CFHR2: variants seen among roughly 807,000 people sequenced by gnomAD.
CFHR2 encodes the protein complement factor H related 2.
A neutral mutation model predicts 21.7 loss-of-function variants in CFHR2; 22 were observed. The ratio of observed to expected loss-of-function variants is 1.01; its 90% CI spans 0.72 to 1.45. The LOEUF is 1.45. Ranked by LOEUF, CFHR2 falls within the 40% of genes most tolerant of loss-of-function variation. The probability of loss-of-function intolerance (pLI) is 0.00; values close to 1 mark genes in which losing one functional copy is unlikely to be tolerated. For synonymous variants in CFHR2, 98 were observed against 97.4 expected (o/e 1.01, Z -0.04); for missense variants, 294 against 293.3 (o/e 1.00, Z -0.02).
rs1652962667 is a variant in CFHR2 at position 196,958,019 on chromosome 1, A to C, written c.559A>C (p.Asn187His). The C allele has an allele frequency of 3.7e-6, 6 of 1,613,782 alleles. No individual in the cohort carries two copies. Among genetic ancestry groups the C allele is most frequent in the Non-Finnish European group, 5.1e-6 (6 of 1,179,752 alleles). The change falls in exon 4 of 5, where the codon AAC (asparagine) becomes CAC (histidine). Residue 187 changes from asparagine (N) to histidine (H), a missense_variant. Asn to His is a moderately conservative substitution (Grantham distance 68). Coordinates refer to ENST00000367415, the MANE Select transcript of CFHR2 (RefSeq NM_005666.4). ...QCQNLYQLEG[N>H]NQITCRNGQW... is the part of the protein sequence containing the mutation. ...CCAGAACTTGTATCAACTTGAGGGT[A>C]ACAATCAAATAACATGTAGAAACGG... is the stretch of plus-strand genomic sequence containing the variant.
intron 1 of CFHR2, among the ~76,000 whole-genome samples, chr1:196,947,174 C>A (rs1249688987): frequency 6.6e-6 from 1 of 151,578 alleles, no homozygotes; most frequent in Non-Finnish European, 1.5e-5. Flanking sequence ...GAAATATATT[C>A]ATAATATTCT....
intron 1 of CFHR2, among the ~76,000 whole-genome samples, chr1:196,945,091 G>A (rs1274358828): frequency 1.4e-5 from 2 of 144,794 alleles, no homozygotes; most frequent in African/African-American, 2.5e-5. Flanking sequence ...GGTCAGGCTG[G>A]TCTCGAACTC....
At chr1:196,948,261 C>A (rs548060351) in intron 1 of CFHR2, among the ~76,000 whole-genome samples, 1 of 151,462 alleles carries the variant, frequency 6.6e-6, no homozygotes, top group African/African-American at 2.4e-5. Flanking sequence ...TCCTCCCAAA[C>A]AATTTATTTT....
At chr1:196,947,392 ATATG>A (rs1659547722) in intron 1 of CFHR2, among the ~76,000 whole-genome samples, 1 of 152,214 alleles carries the variant, frequency 6.6e-6, no homozygotes, top group South Asian at 2.1e-4. Flanking sequence ...ATAGCAAAGA[ATATG>A]TAAGTACAAA....
chr1:196,953,913 A>G (rs1422582115), intron 3 of CFHR2, among the ~76,000 whole-genome samples: 2 of 152,222 alleles, frequency 1.3e-5, no homozygotes, highest in South Asian at 4.1e-4. Flanking sequence ...AAGAATTAAT[A>G]TATACTTTTA....
At chr1:196,948,843 A>G (rs1311725675) in intron 1 of CFHR2, among the ~76,000 whole-genome samples, 2 of 152,168 alleles carry the variant, frequency 1.3e-5, no homozygotes. Flanking sequence ...TACAACATTA[A>G]CCAGAATTTA....
At chr1:196,949,881 T>C (rs1659661107) in intron 2 of CFHR2, among the ~76,000 whole-genome samples, 1 of 152,242 alleles carries the variant, frequency 6.6e-6, no homozygotes, top group African/African-American at 2.4e-5. Context: ...TATATCAATT[T>C]TTTTAAACTG....
At chr1:196,951,996 T>C (rs994647242) in intron 3 of CFHR2, among the ~76,000 whole-genome samples, 11 of 152,222 alleles carry the variant, frequency 7.2e-5, no homozygotes, top group Admixed American at 2.6e-4. Context: ...TTTCTAATTT[T>C]TTTCCAGTGG....
intron 3 of CFHR2, 145 bp downstream of exon 3, chr1:196,951,173 G>A: frequency 2.0e-6 from 2 of 1,007,190 alleles, no homozygotes; most frequent in Non-Finnish European, 1.4e-6. Context: ...TTCCAATTGT[G>A]TCTAAGTGGA....
At chr1:196,946,430 C>T (rs1044860976) in intron 1 of CFHR2, among the ~76,000 whole-genome samples, 1 of 152,088 alleles carries the variant, frequency 6.6e-6, no homozygotes, top group African/African-American at 2.4e-5. Context: ...ACTTCATCAA[C>T]TTTAATTTTT....
chr1:196,950,555 C>G (rs776730202), intron 2 of CFHR2, among the ~76,000 whole-genome samples: 2 of 152,142 alleles, frequency 1.3e-5, no homozygotes, highest in Non-Finnish European at 2.9e-5. Context: ...CTCACTGCTA[C>G]CTCTGCCTTC....
chr1:196,953,095 T>C (rs903443703), intron 3 of CFHR2, among the ~76,000 whole-genome samples: 2 of 152,176 alleles, frequency 1.3e-5, no homozygotes, highest in African/African-American at 2.4e-5. Flanking sequence ...CAGTCTGTTT[T>C]TTCATGTAAG....
At chr1:196,953,046 T>A (rs1279449669) in intron 3 of CFHR2, among the ~76,000 whole-genome samples, 1 of 152,180 alleles carries the variant, frequency 6.6e-6, no homozygotes, top group African/African-American at 2.4e-5. Flanking sequence ...GGAGAGTTAA[T>A]AAAGTTTCAG....
Position 196,959,365 on chromosome 1 carries a change from A to G in CFHR2, c.*285A>G, listed in dbSNP as rs2125016992. 1 of 281,758 alleles carries G rather than the reference A, an allele frequency of 3.5e-6. No individual in the cohort carries two copies. The highest frequency in any genetic ancestry group is 8.0e-5 in the East Asian group (1 of 12,510). The allele number at this position is 281,758 out of a possible 1,614,324, so 17.5% of individuals were successfully genotyped here. On this transcript the variant is annotated 3_prime_UTR_variant, in exon 5 of 5. Transcript: ENST00000367415. ...AGTACATAGTAATGTTTCCATATAT[A>G]TAATGTATAATGGTCAGTTAGGGTA...
intron 2 of CFHR2, among the ~76,000 whole-genome samples, chr1:196,949,952 TC>T (rs1659663095): frequency 6.6e-6 from 1 of 152,252 alleles, no homozygotes; most frequent in Non-Finnish European, 1.5e-5. Flanking sequence ...AGCAGCCTGA[TC>T]ATAGTTTTCC....
intron 2 of CFHR2, 136 bp downstream of exon 2, chr1:196,949,785 T>C (rs1659658443): frequency 5.5e-6 from 6 of 1,083,054 alleles, no homozygotes; most frequent in Admixed American, 2.1e-5. Context: ...GTAGTCCTTC[T>C]ATTTTGAGAT....
chr1:196,954,405 A>G (rs1206524631), intron 3 of CFHR2, among the ~76,000 whole-genome samples: 1 of 152,210 alleles, frequency 6.6e-6, no homozygotes, highest in Non-Finnish European at 1.5e-5. Flanking sequence ...GCTAGCATTG[A>G]GTGCCTGCAG....
intron 1 of CFHR2, among the ~76,000 whole-genome samples, chr1:196,948,278 T>A (rs1659592589): frequency 6.7e-6 from 1 of 148,650 alleles, no homozygotes; most frequent in Admixed American, 6.7e-5. Context: ...TTTTATTTTA[T>A]TTTAATTTTT....
Position 196,959,267 on chromosome 1 carries a change from T to G in CFHR2, c.*187T>G. ...AATGGTGAGGACTATCTTCACCAAATCTAAGTAACAACCTAGGAATTGTCT... is the reference window on the plus strand; with the variant it reads ...AATGGTGAGGACTATCTTCACCAAAGCTAAGTAACAACCTAGGAATTGTCT... On this transcript the variant is annotated 3_prime_UTR_variant, in exon 5 of 5. Coordinates refer to ENST00000367415, the MANE Select transcript of CFHR2 (RefSeq NM_005666.4). The G allele has an allele frequency of 7.6e-6, 4 of 525,598 alleles. No homozygotes were observed. The highest frequency in any genetic ancestry group is 1.3e-5 in the Non-Finnish European group (4 of 299,712). The allele number at this position is 525,598 out of a possible 1,614,324, so 32.6% of individuals were successfully genotyped here.
Sources: allele counts gnomAD v4.1 joint callset (sites outside exome capture counted in the v4.1 genomes callset), GRCh38; gene constraint gnomAD v4.1.1; transcripts MANE v1.5; gene names NCBI Gene and HGNC (gene_info 2026-07-23, HGNC 2026-07-21).